The following MAP3K21 variants were observed in gnomAD, a reference collection of about 807,000 sequenced individuals.
MAP3K21 encodes the protein mitogen-activated protein kinase kinase kinase MLK4.
In MAP3K21, 63 loss-of-function variants were observed where a neutral mutation model predicts 86.1. The observed-to-expected ratio is 0.73, with a 90% confidence interval of 0.60 to 0.90. MAP3K21 has a LOEUF of 0.90. MAP3K21 is among the 40% of genes least tolerant of loss of function. The probability of loss-of-function intolerance (pLI) is 0.00; values close to 1 mark genes in which losing one functional copy is unlikely to be tolerated. For synonymous variants in MAP3K21, 558 were observed against 564.8 expected (o/e 0.99, Z 0.17); for missense variants, 1,220 against 1,367.7 (o/e 0.89, Z 1.70).
At chr1:233,381,798 G>A (rs112233306) in intron 9 of MAP3K21, among the ~76,000 whole-genome samples, 139 of 152,282 alleles carry the variant, frequency 9.1e-4, no homozygotes, top group African/African-American at 3.1e-3. Context: ...AAGAGGTGAC[G>A]TGTAAAAGTC....
intron 8 of MAP3K21, 90 bp from the exon 9 acceptor site, chr1:233,378,841 T>C: frequency 1.1e-6 from 1 of 901,428 alleles, no homozygotes; most frequent in Non-Finnish European, 1.7e-6. Flanking sequence ...AATATGTATT[T>C]ATTATATTTT....
At chr1:233,360,462 C>A (rs1400236054) in intron 4 of MAP3K21, among the ~76,000 whole-genome samples, 2 of 152,096 alleles carry the variant, frequency 1.3e-5, no homozygotes, top group Admixed American at 6.6e-5. Flanking sequence ...TAAATCATTT[C>A]TCCTGCAGTT....
At chr1:233,339,234 CTT>C (rs1662971900) in intron 1 of MAP3K21, among the ~76,000 whole-genome samples, 2 of 78,612 alleles carry the variant, frequency 2.5e-5, no homozygotes, top group African/African-American at 9.8e-5. Context: ...TCTTCTTCTT[CTT>C]CTTCTTCTTC....
intron 5 of MAP3K21, 102 bp from the exon 6 acceptor site, chr1:233,371,936 A>C: frequency 1.8e-6 from 2 of 1,139,746 alleles, no homozygotes; most frequent in African/African-American, 1.6e-5. Flanking sequence ...CTTTGCAGTT[A>C]GGGTCTGACC....
chr1:233,346,695 C>A, intron 2 of MAP3K21, 73 bp downstream of exon 2: 3 of 1,281,846 alleles, frequency 2.3e-6, no homozygotes, highest in Non-Finnish European at 3.3e-6. Flanking sequence ...CCAAAGTATT[C>A]AGTAATTCTC....
chr1:233,382,242 A>T, intron 9 of MAP3K21, 63 bp from the exon 10 acceptor site: 2 of 1,342,034 alleles, frequency 1.5e-6, no homozygotes, highest in Middle Eastern at 3.8e-4. Context: ...ATTTTTCTTG[A>T]TATTCATTGT....
chr1:233,328,964 C>T lies in MAP3K21; in HGVS notation c.805+131C>T. On this transcript the variant is annotated intron_variant, in intron 1 of 9. Transcript: ENST00000366624. This position sits in a 1 kb window ranked among gnomAD's most constrained non-coding sequence, Gnocchi z 8.7. ...GCGCCAGCAGCAACTCATGCCCAGG[C>T]CTTCAGGGCTCGGAAGTCCAGCTAG... The T allele has an allele frequency of 1.1e-6, 1 of 896,478 alleles. No individual in the cohort carries two copies. The highest frequency in any genetic ancestry group is 3.4e-5 in the East Asian group (1 of 28,992). The allele number at this position is 896,478 out of a possible 1,614,324, so 55.5% of individuals were successfully genotyped here. A position where few individuals can be genotyped will look rare whatever the true frequency, so the allele number is the denominator to read the frequency against.
In MAP3K21 at chr1:233,382,992, C is replaced by T; in HGVS notation, c.*281C>T. The T allele has an allele frequency of 3.6e-6, 1 of 279,166 alleles. No individual in the cohort carries two copies. Among genetic ancestry groups the T allele is most frequent in the Non-Finnish European group, 6.8e-6 (1 of 146,492 alleles). 17.3% of individuals were successfully genotyped at this position (279,166 alleles called of 1,614,324 possible). ...ATGCTGGGTCGAATTACCTTCAGCA[C>T]AATGTTAATGTTTTTGTTCTCATTT... On this transcript the variant is annotated 3_prime_UTR_variant, in exon 10 of 10. Coordinates refer to ENST00000366624, the MANE Select transcript of MAP3K21 (RefSeq NM_032435.3).
intron 1 of MAP3K21, among the ~76,000 whole-genome samples, chr1:233,339,407 C>CCTTCTCCTCCTCCTTCTCCTCCTCCTT (rs1491376569): frequency 2.6e-5 from 1 of 38,414 alleles, no homozygotes; most frequent in East Asian, 9.1e-4. Context: ...TTCTCCTCCT[C>CCTTCTCCTCCTCCTTCTCCTCCTCCTT]CTCCTCCTCC....
At chr1:233,360,862 A>G (rs1282098377) in intron 4 of MAP3K21, among the ~76,000 whole-genome samples, 1 of 152,194 alleles carries the variant, frequency 6.6e-6, no homozygotes, top group Non-Finnish European at 1.5e-5. Flanking sequence ...TGGCCTGTTT[A>G]TATAAAGTAG....
At chr1:233,369,659 T>C (rs1353587407) in intron 5 of MAP3K21, among the ~76,000 whole-genome samples, 1 of 152,206 alleles carries the variant, frequency 6.6e-6, no homozygotes, top group Non-Finnish European at 1.5e-5. Context: ...GAATACTTCA[T>C]TGCACCTGAC....
rs1392766195 is a variant in MAP3K21 at position 233,385,121 on chromosome 1, CTT to C, written c.*2413_*2414del. On this transcript the variant is annotated 3_prime_UTR_variant, in exon 10 of 10. Transcript: ENST00000366624. Reference sequence around the variant, plus strand: ...ATATGTTGTCTATTTTTTTAATAAACTTTTATAGCTGGTCTATTTGCTCAGTA... The same window carrying C: ...ATATGTTGTCTATTTTTTTAATAAACTTATAGCTGGTCTATTTGCTCAGTA... 6.6e-6 allele frequency: 1 copy of C among 152,062 alleles called. No homozygotes were observed. The highest frequency in any genetic ancestry group is 2.4e-5 in the African/African-American group (1 of 41,410). The allele number at this position is 152,062 out of a possible 1,614,324, so 9.4% of individuals were successfully genotyped here.
At chr1:233,364,266 T>C (rs1013482365) in intron 5 of MAP3K21, among the ~76,000 whole-genome samples, 1 of 152,148 alleles carries the variant, frequency 6.6e-6, no homozygotes, top group African/African-American at 2.4e-5. Flanking sequence ...CAGTCAGCCA[T>C]AGAGAATAGA....
chr1:233,357,909 G>A (rs1407277988), intron 4 of MAP3K21, among the ~76,000 whole-genome samples: 1 of 152,152 alleles, frequency 6.6e-6, no homozygotes, highest in Non-Finnish European at 1.5e-5. Flanking sequence ...GAAATAGACT[G>A]CTTGGGTGAC....
At chr1:233,331,486 A>T (rs991343013) in intron 1 of MAP3K21, among the ~76,000 whole-genome samples, 1 of 152,198 alleles carries the variant, frequency 6.6e-6, no homozygotes, top group Non-Finnish European at 1.5e-5. Flanking sequence ...TGAAGCTATG[A>T]CTTCTTGTTT....
intron 1 of MAP3K21, among the ~76,000 whole-genome samples, chr1:233,333,622 A>AT (rs968813014): frequency 1.3e-5 from 2 of 151,664 alleles, no homozygotes; most frequent in African/African-American, 4.8e-5. Context: ...GCAATGTCTT[A>AT]TTTTTTTGTA....
chr1:233,353,990 C>A, intron 3 of MAP3K21, 35 bp downstream of exon 3: 1 of 1,407,588 alleles, frequency 7.1e-7, no homozygotes, highest in Non-Finnish European at 9.3e-7. Context: ...TTTGTGGGGG[C>A]AAGAATTTCT....
chr1:233,329,288 G>A (rs1662766742), intron 1 of MAP3K21, among the ~76,000 whole-genome samples: 1 of 152,114 alleles, frequency 6.6e-6, no homozygotes, highest in African/African-American at 2.4e-5. Flanking sequence ...GTGCTGTATT[G>A]AGGTTGCTGT....
chr1:233,359,367 C>A (rs1259345326), intron 4 of MAP3K21, among the ~76,000 whole-genome samples: 1 of 152,156 alleles, frequency 6.6e-6, no homozygotes, highest in Non-Finnish European at 1.5e-5. Context: ...TTATGTTACC[C>A]TGTAAGCCTT....
Sources: gnomAD v4.1 joint callset for allele counts (sites outside exome capture counted in the v4.1 genomes callset) on GRCh38, gnomAD v4.1.1 for gene constraint, Gnocchi (gnomAD v3.1) non-coding constraint, MANE v1.5 for transcripts, NCBI Gene and HGNC (gene_info 2026-07-23, HGNC 2026-07-21) for gene names.